CRB2: variants seen among roughly 807,000 people sequenced by gnomAD.
CRB2 encodes the protein protein crumbs homolog 2.
In CRB2, 85 loss-of-function variants were observed where a neutral mutation model predicts 110.9. That is an observed-to-expected ratio of 0.77 (90% confidence interval 0.64 to 0.92). The LOEUF is 0.92. Among genes scored for constraint, CRB2 ranks in the 40% least tolerant of loss-of-function variants. CRB2 has a pLI of 0.00. For missense variants in CRB2, 1,843 were observed against 1,851.3 expected, an observed-to-expected ratio of 1.00 and a Z score of 0.08; for synonymous variants, 907 against 831.0, an observed-to-expected ratio of 1.09 and a Z score of -1.57.
In CRB2 at chr9:123,371,315, C is replaced by T. The variant is rs780814582; in HGVS notation, c.2173C>T (p.Leu725Phe). ...VVLPGRWDDG[L>F]RHLVMLSFGP... The stretch of plus-strand genomic sequence containing the variant: ...GCTCCCTGGGCGCTGGGATGATGGG[C>T]TCCGTCACCTGGTGATGCTCAGCTT... Residue 725 changes from leucine to phenylalanine, a missense_variant, in exon 8 of 13, where the codon CTC (leucine) becomes TTC (phenylalanine). Coordinates refer to ENST00000373631, the MANE Select transcript of CRB2 (RefSeq NM_173689.7). 6.2e-7 allele frequency: 1 copy of T among 1,610,714 alleles called. No individual in the cohort carries two copies. The highest frequency in any genetic ancestry group is 8.5e-7 in the Non-Finnish European group (1 of 1,177,962).
chr9:123,379,359 T>C (rs2042168190), downstream of CRB2, among the ~76,000 whole-genome samples: 1 of 152,216 alleles, frequency 6.6e-6, no homozygotes, highest in South Asian at 2.1e-4. Context: ...CTTGAACTCT[T>C]TCCTGGCTCC....
Position 123,371,351 on chromosome 9 carries a change from C to A in CRB2, c.2209C>A (p.Gln737Lys). 2 of 1,604,546 alleles carry A rather than the reference C, an allele frequency of 1.2e-6. No homozygotes were observed. Among genetic ancestry groups the A allele is most frequent in the Non-Finnish European group, 1.7e-6 (2 of 1,174,850 alleles). ...HLVMLSFGPD[Q>K]LQDLGQHVHV... The stretch of plus-strand genomic sequence containing the variant: ...GGTGATGCTCAGCTTCGGGCCTGAC[C>A]AGCTGCAGGACCTGGGGCAGCACGT... Residue 737 changes from glutamine (Q) to lysine (K), a missense_variant, in exon 8 of 13, where the codon CAG becomes AAG. Coordinates refer to ENST00000373631, the MANE Select transcript of CRB2 (RefSeq NM_173689.7).
chr9:123,368,231 C>T (rs1023556824), intron 6 of CRB2, among the ~76,000 whole-genome samples: 10 of 152,146 alleles, frequency 6.6e-5, no homozygotes, highest in Non-Finnish European at 1.5e-4. Flanking sequence ...TGCTGGGGCA[C>T]ACTGCCTCCT....
In CRB2 at chr9:123,371,267, G is replaced by T; in HGVS notation, c.2125G>T (p.Val709Leu). The T allele has an allele frequency of 6.2e-7, 1 of 1,613,976 alleles. No homozygotes were observed. The highest frequency in any genetic ancestry group is 8.5e-7 in the Non-Finnish European group (1 of 1,180,018). The stretch of plus-strand genomic sequence containing the variant: ...GAGTGAGGGTCGGATCCGGGCTGAG[G>T]TGCCGGGCAGTCCTGCTGTAGTGCT... Reference protein sequence around the residue: ...FLSEGRIRAEVPGSPAVVLPG... With the variant: ...FLSEGRIRAELPGSPAVVLPG... Residue 709 changes from valine (V) to leucine (L), a missense_variant, in exon 8 of 13, where the codon GTG (valine) becomes TTG (leucine). Val to Leu is a conservative substitution (Grantham distance 32). Transcript: ENST00000373631.
Position 123,373,496 on chromosome 9 carries a change from C to T in CRB2, c.2965C>T (p.Leu989=), listed in dbSNP as rs775946838. The T allele has an allele frequency of 2.1e-6, 3 of 1,460,046 alleles. No individual in the cohort carries two copies. In the South Asian group the frequency reaches 4.0e-5, roughly 20 times the overall value. The allele number at this position is 1,460,046 out of a possible 1,614,324, so 90.4% of individuals were successfully genotyped here. The change falls in exon 10 of 13, where the codon CTG becomes TTG. Residue 989 remains leucine, a synonymous_variant. Transcript: ENST00000373631. The stretch of plus-strand genomic sequence containing the variant: ...CGCCACCCCGGTGGCGCTGCGCGGC[C>T]TGGCCAGTGACCTGGGCTTCCTGCA... The part of the protein sequence containing the change: ...GAATPVALRG[L]ASDLGFLQGP...
Position 123,376,882 on chromosome 9 carries a change from C to G in CRB2, c.3678C>G (p.Ala1226=), listed in dbSNP as rs149457987. The change falls in exon 13 of 13, where the codon GCC becomes GCG. Residue 1226 remains alanine, a synonymous_variant. Coordinates refer to ENST00000373631, the MANE Select transcript of CRB2 (RefSeq NM_173689.7). ...TGCCATTCCCACTGCTGGAGGTGGC[C>G]GTACCTGCAGCCTGTGCCTGCCTCC... ...LPLPFPLLEV[A]VPAACACLLL... 1.2e-6 allele frequency: 2 copies of G among 1,609,960 alleles called. No homozygotes were observed. Among genetic ancestry groups the G allele is most frequent in the Non-Finnish European group, 1.7e-6 (2 of 1,179,368 alleles).
At position 123,366,276 on chromosome 9, in the gene CRB2, C is replaced by T. The variant is rs778635972; in HGVS notation, c.664C>T (p.Arg222Trp). 8 of 1,511,082 alleles carry T rather than the reference C, an allele frequency of 5.3e-6. No individual in the cohort carries two copies. The South Asian group carries it at 7.5e-5, about 14-fold the overall frequency. The allele number at this position is 1,511,082 out of a possible 1,614,324, so 93.6% of individuals were successfully genotyped here. A position where few individuals can be genotyped will look rare whatever the true frequency, so the allele number is the denominator to read the frequency against. The change falls in exon 4 of 13, where the codon CGG (arginine) becomes TGG (tryptophan). Residue 222 changes from arginine to tryptophan, a missense_variant. Physicochemically the swap from Arg to Trp is moderately radical, Grantham distance 101 (BLOSUM62 -3). Transcript: ENST00000373631. ...GTGYEGTHCE[R>W]EVLECASAPC... ...CGGCTACGAGGGCACGCACTGCGAG[C>T]GGGAGGTGCTGGAGTGCGCATCGGC...
Position 123,370,800 on chromosome 9 carries a change from G to C in CRB2, c.1747G>C (p.Val583Leu), listed in dbSNP as rs375095040. 1.2e-6 allele frequency: 2 copies of C among 1,603,248 alleles called. No homozygotes were observed. The highest frequency in any genetic ancestry group is 1.7e-6 in the Non-Finnish European group (2 of 1,179,814). The change falls in exon 7 of 13, where the codon GTG becomes CTG. Residue 583 changes from valine to leucine, a missense_variant. Physicochemically the swap from Val to Leu is conservative, Grantham distance 32. Coordinates refer to ENST00000373631, the MANE Select transcript of CRB2 (RefSeq NM_173689.7). Reference protein sequence around the residue: ...DATFAGCLQDVRVDGHLLLPE... With the variant: ...DATFAGCLQDLRVDGHLLLPE... Reference sequence around the variant, plus strand: ...GACCTTTGCAGGCTGCCTCCAGGACGTGCGTGTGGATGGCCACCTCCTGCT... The same window carrying C: ...GACCTTTGCAGGCTGCCTCCAGGACCTGCGTGTGGATGGCCACCTCCTGCT...
At position 123,370,803 on chromosome 9, in the gene CRB2, C is replaced by A. The variant is rs55951681; in HGVS notation, c.1750C>A (p.Arg584Ser). Reference sequence around the variant, plus strand: ...CTTTGCAGGCTGCCTCCAGGACGTGCGTGTGGATGGCCACCTCCTGCTGCC... The same window carrying A: ...CTTTGCAGGCTGCCTCCAGGACGTGAGTGTGGATGGCCACCTCCTGCTGCC... ...ATFAGCLQDV[R>S]VDGHLLLPED... Residue 584 changes from arginine to serine, a missense_variant, in exon 7 of 13, where the codon CGT (arginine) becomes AGT (serine). By Grantham distance (110) the Arg-to-Ser change is moderately radical (BLOSUM62 -1). Transcript: ENST00000373631. The A allele has an allele frequency of 1.9e-5, 31 of 1,603,582 alleles. No homozygotes were observed. Among genetic ancestry groups the A allele is most frequent in the Non-Finnish European group, 2.6e-5 (31 of 1,179,926 alleles).
intron 4 of CRB2, 57 bp downstream of exon 4, chr9:123,366,423 G>A (rs1047768186): frequency 1.8e-5 from 27 of 1,485,086 alleles, no homozygotes; most frequent in Non-Finnish European, 2.4e-5. Context: ...GCGCCTGTGC[G>A]GCCTGGGGCG....
chr9:123,357,953 T>TG (rs1267731351), intron 1 of CRB2, among the ~76,000 whole-genome samples: 2 of 152,196 alleles, frequency 1.3e-5, no homozygotes, highest in African/African-American at 2.4e-5. Context: ...ATGGAGGCTG[T>TG]GGGGGGTCTG....
chr9:123,375,200 C>G lies in CRB2; in HGVS notation c.3507-17C>G. On this transcript the variant is annotated splice_polypyrimidine_tract_variant and intron_variant, in intron 11 of 12. Transcript: ENST00000373631. ...GCCATGGGGGAAGCCGCTTTCTCAG[C>G]CCCCCTCCCTCTCCAGGTGTCAGGT... 3 of 1,610,954 alleles carry G rather than the reference C, an allele frequency of 1.9e-6. No individual in the cohort carries two copies. Among genetic ancestry groups the G allele is most frequent in the South Asian group, 2.2e-5 (2 of 90,658 alleles).
At chr9:123,358,761 CAA>C (rs1264807493) in intron 1 of CRB2, among the ~76,000 whole-genome samples, 1 of 152,236 alleles carries the variant, frequency 6.6e-6, no homozygotes, top group Non-Finnish European at 1.5e-5. Flanking sequence ...CTTGCCTAGG[CAA>C]AGTCACGTCT....
At chr9:123,358,208 T>C (rs1037567858) in intron 1 of CRB2, among the ~76,000 whole-genome samples, 20 of 152,334 alleles carry the variant, frequency 1.3e-4, no homozygotes, top group African/African-American at 3.8e-4. Flanking sequence ...CTGGAGGCCA[T>C]GGGCCCCTGG....
In CRB2 at chr9:123,373,621, G is replaced by A; in HGVS notation, c.3090G>A (p.Arg1030=). 5 of 1,360,636 alleles carry A rather than the reference G, an allele frequency of 3.7e-6. No homozygotes were observed. The highest frequency in any genetic ancestry group is 4.7e-6 in the Non-Finnish European group (5 of 1,064,884). The allele number at this position is 1,360,636 out of a possible 1,614,324, so 84.3% of individuals were successfully genotyped here. Residue 1030 remains arginine (R), a synonymous_variant, in exon 10 of 13, where the codon CGG becomes CGA. Transcript: ENST00000373631. ...TGCCCCTGCCCTTGGCGCGGCCCCG[G>A]CCCGGCGCGGCCCCTGGCGCCCGAG... is the stretch of plus-strand genomic sequence containing the variant. ...GGLPLPLARP[R]PGAAPGAREH... is the part of the protein sequence containing the mutation.
chr9:123,372,329 T>C lies in CRB2; in HGVS notation c.2589T>C (p.Pro863=). 1.3e-6 allele frequency: 2 copies of C among 1,598,944 alleles called. No homozygotes were observed. The highest frequency in any genetic ancestry group is 1.7e-6 in the Non-Finnish European group (2 of 1,172,204). Residue 863 remains proline, a synonymous_variant, in exon 9 of 13, where the codon CCT becomes CCC. Transcript: ENST00000373631. ...CLPPATCEEV[P]DGFVCVAEAT... is the part of the protein sequence containing the mutation. ...CACCTGCCACGTGTGAGGAGGTCCC[T>C]GATGGCTTTGTGTGTGAGTGTGTGT...
Position 123,363,197 on chromosome 9 carries a change from C to T in CRB2, c.418+9C>T. 1 of 1,588,436 alleles carries T rather than the reference C, an allele frequency of 6.3e-7. No homozygotes were observed. The highest frequency in any genetic ancestry group is 8.6e-7 in the Non-Finnish European group (1 of 1,165,630). On this transcript the variant is annotated intron_variant, in intron 2 of 12. Transcript: ENST00000373631. ...CCCCCTTGGCTATGCAGGTAACAGCCTGGGCCGCCCTGGGAGGAGGTCTGT... is the reference window on the plus strand; with the variant it reads ...CCCCCTTGGCTATGCAGGTAACAGCTTGGGCCGCCCTGGGAGGAGGTCTGT...
Position 123,370,696 on chromosome 9 carries a change from C to G in CRB2, c.1643C>G (p.Ser548Cys), listed in dbSNP as rs755936174. ...TGCCCTGCCCGGCTCTGTGTGGCCT[C>G]TGGTCCTGTGGCCCTGGCTTCCACG... ...EGCPARLCVA[S>C]GPVALASTAS... Residue 548 changes from serine to cysteine, a missense_variant, in exon 7 of 13, where the codon TCT becomes TGT. Coordinates refer to ENST00000373631, the MANE Select transcript of CRB2 (RefSeq NM_173689.7). The G allele has an allele frequency of 6.2e-7, 1 of 1,605,516 alleles. No individual in the cohort carries two copies. The highest frequency in any genetic ancestry group is 1.7e-5 in the Admixed American group (1 of 60,028).
Position 123,371,128 on chromosome 9 carries a change from C to T in CRB2, c.1986C>T (p.Leu662=), listed in dbSNP as rs1194382806. The change falls in exon 8 of 13, where the codon CTC becomes CTT. Residue 662 remains leucine (L), a synonymous_variant. Coordinates refer to ENST00000373631, the MANE Select transcript of CRB2 (RefSeq NM_173689.7). ...CCCCAAGCTCTGCCTCCTTTCTGCT[C>T]CAAGAGCTGCCAGGTCCCAACCTCA... ...GGAPSSASFL[L]QELPGPNLTV... The T allele has an allele frequency of 6.2e-7, 1 of 1,613,424 alleles. No individual in the cohort carries two copies. Among genetic ancestry groups the T allele is most frequent in the Non-Finnish European group, 8.5e-7 (1 of 1,180,020 alleles).
Sources: gnomAD v4.1 joint callset for allele counts (sites outside exome capture counted in the v4.1 genomes callset) on GRCh38, gnomAD v4.1.1 for gene constraint, MANE v1.5 for transcripts, NCBI Gene and HGNC (gene_info 2026-07-23, HGNC 2026-07-21) for gene names.